The following USP54 variants were observed in gnomAD, a reference collection of about 807,000 sequenced individuals.
The protein encoded by USP54 is ubiquitin specific peptidase 54.
In USP54, 87 loss-of-function variants were observed where a neutral mutation model predicts 170.5. The observed-to-expected ratio is 0.51, with a 90% CI of 0.43 to 0.61. USP54 has a LOEUF of 0.61. Ranked by LOEUF, USP54 falls within the 20% of genes least tolerant of loss-of-function variation. The pLI is 0.00. For synonymous variants in USP54, 655 were observed against 742.8 expected, an observed-to-expected ratio of 0.88 and a Z score of 1.92; for missense variants, 1,786 against 2,047.8, an observed-to-expected ratio of 0.87 and a Z score of 2.47.
chr10:73,521,405 C>T (rs2061878149), intron 17 of USP54, among the ~76,000 whole-genome samples: 1 of 152,174 alleles, frequency 6.6e-6, no homozygotes, highest in Non-Finnish European at 1.5e-5. Context: ...GTTCTTATGC[C>T]CGGAATTGAA....
At chr10:73,514,062 CT>C (rs1367613062) in intron 20 of USP54, among the ~76,000 whole-genome samples, 1 of 152,096 alleles carries the variant, frequency 6.6e-6, no homozygotes, top group Non-Finnish European at 1.5e-5. Context: ...GGTGATCCAC[CT>C]GCCTCGGCCT....
Position 73,516,260 on chromosome 10 carries a change from AC to A in USP54, c.4051+114del, listed in dbSNP as rs946278049. 67 of 1,164,352 alleles carry A rather than the reference AC, an allele frequency of 5.8e-5. No individual in the cohort carries two copies. The Admixed American group carries it at 1.5e-3, about 26-fold the overall frequency. The allele number at this position is 1,164,352 out of a possible 1,614,324, so 72.1% of individuals were successfully genotyped here. On this transcript the variant is annotated intron_variant, in intron 20 of 23. Coordinates refer to ENST00000687698, the MANE Select transcript of USP54 (RefSeq NM_001391956.1). ...TCTGAGTAAAGTCAAAAGTTCTATT[AC>A]CTCCTACTAAGCTGGGGATAGTATC...
intron 19 of USP54, 78 bp downstream of exon 19, chr10:73,519,719 T>C (rs1417696231): frequency 1.3e-6 from 2 of 1,589,708 alleles, no homozygotes; most frequent in South Asian, 1.1e-5. Context: ...GCCAAGACAA[T>C]GAGAGCTCTT....
chr10:73,513,649 C>G (rs1453360863), intron 20 of USP54, among the ~76,000 whole-genome samples: 1 of 152,042 alleles, frequency 6.6e-6, no homozygotes, highest in Non-Finnish European at 1.5e-5. Context: ...GTAAAGGATA[C>G]TGCTTTTTGC....
chr10:73,501,428 G>T (rs1397008820), intron 22 of USP54, among the ~76,000 whole-genome samples: 1 of 151,998 alleles, frequency 6.6e-6, no homozygotes, highest in Non-Finnish European at 1.5e-5. Context: ...TTTAACATCT[G>T]AAACACTAAC....
rs766837843 is a variant in USP54 at position 73,516,506 on chromosome 10, T to A, written c.3920A>T (p.His1307Leu). 1 of 1,614,164 alleles carries A rather than the reference T, an allele frequency of 6.2e-7. No homozygotes were observed. The highest frequency in any genetic ancestry group is 1.7e-5 in the Admixed American group (1 of 60,016). The change falls in exon 20 of 24, where the codon CAT (histidine) becomes CTT (leucine). Residue 1307 changes from histidine to leucine, a missense_variant. By Grantham distance (99) the His-to-Leu change is moderately conservative. This residue lies in a region of USP54 where 1,418 missense variants were observed against 1,569.0 expected (regional missense o/e 0.90). Transcript: ENST00000687698. ...PERNHILLHPHWNQDTEQETS... is the reference protein window; with the variant it reads ...PERNHILLHPLWNQDTEQETS... ...CTCCTGCTCTGTGTCTTGGTTCCAATGTGGATGCAAAAGGATGTGATTTCT... is the reference window on the plus strand; with the variant it reads ...CTCCTGCTCTGTGTCTTGGTTCCAAAGTGGATGCAAAAGGATGTGATTTCT...
chr10:73,600,711 C>T (rs1233882680), intron 1 of USP54, among the ~76,000 whole-genome samples: 3 of 152,098 alleles, frequency 2.0e-5, no homozygotes, highest in Non-Finnish European at 4.4e-5. Context: ...GTTAAGAGTT[C>T]GAGACCAGCC....
At chr10:73,503,551 A>G (rs1011358744) in intron 22 of USP54, among the ~76,000 whole-genome samples, 1 of 152,246 alleles carries the variant, frequency 6.6e-6, no homozygotes, top group African/African-American at 2.4e-5. Context: ...GAAGAAAGGA[A>G]GCCAACTCTC....
upstream of USP54, among the ~76,000 whole-genome samples, chr10:73,592,869 A>C (rs997525315): frequency 2.0e-5 from 3 of 152,206 alleles, no homozygotes; most frequent in African/African-American, 7.2e-5. Context: ...AACACCTCCC[A>C]TAAAACTCTG....
intron 22 of USP54, among the ~76,000 whole-genome samples, chr10:73,501,930 C>CA (rs1261347509): frequency 1.3e-5 from 2 of 151,992 alleles, no homozygotes; most frequent in African/African-American, 4.8e-5. Flanking sequence ...GAATAGCCCT[C>CA]AAAAAAACCA....
chr10:73,616,953 T>C (rs2080691626), intron 1 of USP54, among the ~76,000 whole-genome samples: 1 of 150,528 alleles, frequency 6.6e-6, no homozygotes, highest in African/African-American at 2.5e-5. Context: ...AGTTACAAAA[T>C]AAGCAAAGAA....
intron 4 of USP54, among the ~76,000 whole-genome samples, chr10:73,553,946 C>T (rs550627169): frequency 3.3e-5 from 5 of 152,322 alleles, no homozygotes; most frequent in African/African-American, 7.2e-5. Flanking sequence ...ATTCTATCCA[C>T]ATGAGCACAT....
At chr10:73,584,492 T>C (rs2077253858) in intron 1 of USP54, among the ~76,000 whole-genome samples, 1 of 152,196 alleles carries the variant, frequency 6.6e-6, no homozygotes, top group African/African-American at 2.4e-5. Flanking sequence ...ATGGCAATTA[T>C]TGGGTGTTTT....
intron 4 of USP54, among the ~76,000 whole-genome samples, chr10:73,547,663 A>G (rs1465883440): frequency 6.6e-6 from 1 of 152,236 alleles, no homozygotes; most frequent in Non-Finnish European, 1.5e-5. Context: ...TGGTGCTGGG[A>G]AAACTGGCTA....
intron 11 of USP54, 29 bp from the exon 12 acceptor site, chr10:73,534,799 A>T: frequency 6.2e-7 from 1 of 1,604,886 alleles, no homozygotes; most frequent in Non-Finnish European, 8.5e-7. Context: ...ACATATGCAA[A>T]AAGTGAGGAA....
chr10:73,586,787 TTTG>T (rs2077533948), intron 1 of USP54, among the ~76,000 whole-genome samples: 1 of 152,228 alleles, frequency 6.6e-6, no homozygotes, highest in African/African-American at 2.4e-5. Flanking sequence ...GGCCAAGCTA[TTTG>T]TTGATTTATG....
intron 4 of USP54, among the ~76,000 whole-genome samples, chr10:73,552,250 T>C (rs2069573018): frequency 6.6e-6 from 1 of 152,144 alleles, no homozygotes; most frequent in Non-Finnish European, 1.5e-5. Context: ...CCGTCTCTAC[T>C]AAAAATACAA....
intron 12 of USP54, among the ~76,000 whole-genome samples, chr10:73,531,403 G>T (rs191327021): frequency 4.6e-5 from 7 of 152,218 alleles, no homozygotes; most frequent in African/African-American, 1.7e-4. Flanking sequence ...GACCCAGAAG[G>T]ACTAATGACA....
At position 73,501,240 on chromosome 10, in the gene USP54, G is replaced by T. The variant is rs143670397; in HGVS notation, c.4312-402C>A. Among the ~76,000 whole-genome samples, 27 of 152,294 alleles carry T rather than the reference G, an allele frequency of 1.8e-4. 1 individual carries two copies. Among genetic ancestry groups the T allele is most frequent in the African/African-American group, 6.5e-4 (27 of 41,570 alleles). On this transcript the variant is annotated intron_variant, in intron 22 of 23. Coordinates refer to ENST00000687698, the MANE Select transcript of USP54 (RefSeq NM_001391956.1). ...TTCACTTATTCTAAGTACTGGGAATGAAACTATATATGTTTAAATGTAGAA... is the reference window on the plus strand; with the variant it reads ...TTCACTTATTCTAAGTACTGGGAATTAAACTATATATGTTTAAATGTAGAA...
Sources: allele counts gnomAD v4.1 joint callset (sites outside exome capture counted in the v4.1 genomes callset), GRCh38; gene constraint gnomAD v4.1.1; regional missense constraint gnomAD v4.1.1; transcripts MANE v1.5; gene names NCBI Gene and HGNC (gene_info 2026-07-23, HGNC 2026-07-21).